The following OCA2 variants were observed in gnomAD, a reference collection of about 807,000 sequenced individuals.
OCA2 encodes the protein OCA2 melanosomal transmembrane protein.
OCA2 carries 77 observed loss-of-function variants against 100.2 expected under a neutral mutation model. That is an observed-to-expected ratio of 0.77 (90% confidence interval 0.64 to 0.93). OCA2 has a LOEUF of 0.93. Ranked by LOEUF, OCA2 falls within the 40% of genes least tolerant of loss-of-function variation. The probability of loss-of-function intolerance (pLI) is 0.00; values close to 1 mark genes in which losing one functional copy is unlikely to be tolerated. For missense variants in OCA2, 1,062 were observed against 1,089.1 expected, an observed-to-expected ratio of 0.98 and a Z score of 0.35; for synonymous variants, 432 against 439.2, an observed-to-expected ratio of 0.98 and a Z score of 0.21.
At chr15:27,952,020 A>T in intron 17 of OCA2, 128 bp from the exon 18 acceptor site, 3 of 739,360 alleles carry the variant, frequency 4.1e-6, no homozygotes, top group Non-Finnish European at 7.3e-6. Flanking sequence ...TCGAACTTGA[A>T]AGAAAATGGC....
intron 1 of OCA2, among the ~76,000 whole-genome samples, chr15:28,088,384 T>A (rs546993913): frequency 4.6e-5 from 7 of 152,270 alleles, no homozygotes; most frequent in Non-Finnish European, 8.8e-5. Context: ...TTGATTTTAC[T>A]CAAACTGATA....
chr15:28,007,539 G>A (rs1042985419), intron 9 of OCA2, among the ~76,000 whole-genome samples: 1 of 152,130 alleles, frequency 6.6e-6, no homozygotes, highest in East Asian at 1.9e-4. Flanking sequence ...GACCAGCCTG[G>A]CCAACATGGT....
chr15:28,069,691 C>G (rs1402888598), intron 2 of OCA2, among the ~76,000 whole-genome samples: 1 of 144,650 alleles, frequency 6.9e-6, no homozygotes, highest in African/African-American at 2.8e-5. Flanking sequence ...GACGGAGTCT[C>G]GTTCACTCAG....
intron 11 of OCA2, among the ~76,000 whole-genome samples, chr15:27,988,047 C>T (rs2041421771): frequency 1.3e-5 from 2 of 152,270 alleles, no homozygotes; most frequent in East Asian, 1.9e-4. Context: ...ACCAATGTAG[C>T]TTCACGTGAA....
chr15:27,880,288 T>C (rs532272964), intron 19 of OCA2, among the ~76,000 whole-genome samples: 1 of 152,360 alleles, frequency 6.6e-6, no homozygotes, highest in African/African-American at 2.4e-5. Flanking sequence ...GGCGGCATGA[T>C]GCTGCCAGCT....
Position 27,957,778 on chromosome 15 carries a change from A to T in OCA2, c.1637-43T>A, listed in dbSNP as rs2040278641. On this transcript the variant is annotated intron_variant, in intron 15 of 23. Coordinates refer to ENST00000354638, the MANE Select transcript of OCA2 (RefSeq NM_000275.3). This position sits in a 1 kb window ranked among gnomAD's most constrained non-coding sequence, Gnocchi z 4.3. Reference sequence around the variant, plus strand: ...CGAAGCTTGGGTCTCCCATGACCTCAGATATCAGCAACACCCTCCTCTGTT... The same window carrying T: ...CGAAGCTTGGGTCTCCCATGACCTCTGATATCAGCAACACCCTCCTCTGTT... 1 of 1,610,312 alleles carries T rather than the reference A, an allele frequency of 6.2e-7. No individual in the cohort carries two copies. The highest frequency in any genetic ancestry group is 8.5e-7 in the Non-Finnish European group (1 of 1,178,108).
At chr15:27,951,621 C>T (rs749949721) in intron 18 of OCA2, among the ~76,000 whole-genome samples, 163 bp downstream of exon 18, 3 of 152,186 alleles carry the variant, frequency 2.0e-5, no homozygotes, top group African/African-American at 4.8e-5. Context: ...AAAGGAAAGG[C>T]GCCCTTCTTC....
At chr15:27,871,827 TGG>T (rs2036588350) in intron 20 of OCA2, 34 bp downstream of exon 20, 1 of 1,350,994 alleles carries the variant, frequency 7.4e-7, no homozygotes, top group Non-Finnish European at 1.1e-6. Context: ...CAAAGAACAG[TGG>T]CTGGAGTGCC....
intron 19 of OCA2, among the ~76,000 whole-genome samples, chr15:27,883,173 C>G (rs2037091130): frequency 6.6e-6 from 1 of 152,180 alleles, no homozygotes; most frequent in Admixed American, 6.5e-5. Context: ...TACAGGATTA[C>G]TAGCTACCTA....
the OCA2 span, among the ~76,000 whole-genome samples, chr15:27,743,097 G>A: frequency 3.9e-3 from 590 of 152,284 alleles, 1 homozygote; most frequent in Middle Eastern, 0.017. Flanking sequence ...AGCACATCTC[G>A]CCTCTTAGCA....
the OCA2 span, among the ~76,000 whole-genome samples, chr15:27,723,032 G>A: frequency 1.3e-5 from 2 of 151,766 alleles, no homozygotes; most frequent in Admixed American, 6.6e-5. Flanking sequence ...TAGTAGAGAT[G>A]GGGTTTCACC....
chr15:27,813,103 T>C (rs1375765944), intron 23 of OCA2, among the ~76,000 whole-genome samples: 3 of 152,072 alleles, frequency 2.0e-5, no homozygotes, highest in African/African-American at 7.2e-5. Flanking sequence ...GGTGCTTCTC[T>C]GGGCAGAGGA....
Position 28,018,502 on chromosome 15 carries a change from C to A in OCA2, c.702G>T (p.Gly234=). Residue 234 remains glycine, a synonymous_variant, in exon 7 of 24, where the codon GGG becomes GGT. Transcript: ENST00000354638. The part of the protein sequence containing the change: ...DSTLLQVDLA[G]ALVASGPSRP... ...GACTCGGCCCACTGGCCACTAGGGCCCCTGCCAGGTCCACCTGCAGCAGCG... is the reference window on the plus strand; with the variant it reads ...GACTCGGCCCACTGGCCACTAGGGCACCTGCCAGGTCCACCTGCAGCAGCG... 6.2e-7 allele frequency: 1 copy of A among 1,613,822 alleles called. No individual in the cohort carries two copies.
chr15:28,083,317 A>G lies in OCA2; in HGVS notation c.-21-1422T>C, dbSNP rs147553542. ...GAACTTACTTCAAATATAGAAAAACATGACATTCGAAGAAACCTGAACGAC... is the reference window on the plus strand; with the variant it reads ...GAACTTACTTCAAATATAGAAAAACGTGACATTCGAAGAAACCTGAACGAC... On this transcript the variant is annotated intron_variant, in intron 1 of 23. Coordinates refer to ENST00000354638, the MANE Select transcript of OCA2 (RefSeq NM_000275.3). Among the ~76,000 whole-genome samples the G allele has an allele frequency of 6.0e-3, 912 of 152,360 alleles. 10 individuals carry two copies. The highest frequency in any genetic ancestry group is 0.021 in the African/African-American group (864 of 41,580).
chr15:28,063,259 T>C (rs1045345702), intron 2 of OCA2, among the ~76,000 whole-genome samples: 11 of 152,156 alleles, frequency 7.2e-5, no homozygotes, highest in African/African-American at 2.7e-4. Flanking sequence ...TTTCATGATA[T>C]ACCTTTTTCC....
chr15:27,742,794 G>A, the OCA2 span, among the ~76,000 whole-genome samples: 1 of 152,114 alleles, frequency 6.6e-6, no homozygotes, highest in East Asian at 1.9e-4. Context: ...CTTGTTTAAG[G>A]GCTCACCATA....
chr15:27,749,500 G>C, the OCA2 span, among the ~76,000 whole-genome samples: 1 of 152,008 alleles, frequency 6.6e-6, no homozygotes, highest in Non-Finnish European at 1.5e-5. Context: ...CCAGAATAAG[G>C]CAAAAAATAT....
intron 2 of OCA2, among the ~76,000 whole-genome samples, chr15:28,053,448 T>C (rs949994073): frequency 1.3e-5 from 2 of 152,210 alleles, no homozygotes; most frequent in Non-Finnish European, 2.9e-5. Context: ...CCAGCCCCTG[T>C]GCCAGATATT....
intron 2 of OCA2, among the ~76,000 whole-genome samples, chr15:28,061,958 T>G (rs1157111465): frequency 6.6e-6 from 1 of 152,248 alleles, no homozygotes; most frequent in African/African-American, 2.4e-5. Flanking sequence ...ATTTTGTTTA[T>G]CCATTCATGA....
Sources: gnomAD v4.1 joint callset for allele counts (sites outside exome capture counted in the v4.1 genomes callset) on GRCh38, gnomAD v4.1.1 for gene constraint, Gnocchi (gnomAD v3.1) non-coding constraint, MANE v1.5 for transcripts, NCBI Gene and HGNC (gene_info 2026-07-23, HGNC 2026-07-21) for gene names.